PRR15: variants seen among roughly 807,000 people sequenced by gnomAD.
The protein encoded by PRR15 is proline rich 15, also known as proline-rich protein 15.
In PRR15, 4 loss-of-function variants were observed where a neutral mutation model predicts 3.0. The observed-to-expected ratio is 1.34, with a 90% CI of 0.66 to 3.08. The LOEUF (loss-of-function observed/expected upper bound fraction) is 3.08. Ranked by LOEUF, PRR15 falls within the 30% of genes most tolerant of loss-of-function variation. The pLI is 0.01. For synonymous variants in PRR15, 82 were observed against 79.8 expected, an observed-to-expected ratio of 1.03 and a Z score of -0.14; for missense variants, 200 against 179.5, an observed-to-expected ratio of 1.11 and a Z score of -0.65.
chr7:29,565,874 T>G (rs1792889789), intron 1 of PRR15: 1 of 168,674 alleles, frequency 5.9e-6, no homozygotes. Flanking sequence ...TTCAGAGGGG[T>G]GGGAACGTCC....
rs775105747 is a variant in PRR15 at position 29,566,488 on chromosome 7, C to G, written c.159C>G (p.Thr53=). Residue 53 remains threonine (T), a synonymous_variant, in exon 2 of 2, where the codon ACC becomes ACG. Transcript: ENST00000319694. The part of the protein sequence containing the change: ...TPPAPPSPDW[T]SSSRENQHPN... Reference sequence around the variant, plus strand: ...CTGCGCCGCCCAGCCCGGACTGGACCAGCAGCTCCCGGGAGAACCAGCACC... The same window carrying G: ...CTGCGCCGCCCAGCCCGGACTGGACGAGCAGCTCCCGGGAGAACCAGCACC... 1.1e-5 allele frequency: 17 copies of G among 1,599,424 alleles called. No individual in the cohort carries two copies. Among genetic ancestry groups the G allele is most frequent in the Non-Finnish European group, 1.4e-5 (16 of 1,173,222 alleles).
In PRR15 at chr7:29,566,315, C is replaced by A. The variant is rs760726985; in HGVS notation, c.-15C>A. 1 of 1,599,602 alleles carries A rather than the reference C, an allele frequency of 6.3e-7. No individual in the cohort carries two copies. The highest frequency in any genetic ancestry group is 1.1e-5 in the South Asian group (1 of 89,820). ...CCTTCCATCTGGGTGCCGGGAGCCCCTAGGCCCTCCGGCCATGGCCGACAG... is the reference window on the plus strand; with the variant it reads ...CCTTCCATCTGGGTGCCGGGAGCCCATAGGCCCTCCGGCCATGGCCGACAG... On this transcript the variant is annotated 5_prime_UTR_variant, in exon 2 of 2. Transcript: ENST00000319694.
chr7:29,566,674 G>C lies in PRR15; in HGVS notation c.345G>C (p.Pro115=), dbSNP rs753662353. The change falls in exon 2 of 2, where the codon CCG becomes CCC. Residue 115 remains proline (P), a synonymous_variant. Transcript: ENST00000319694. ...TGCTCCCGGAGGCGGGCAGGTCCCC[G>C]GAGGAGGCAGGCTTTCCTGGTGACC... ...ATLLPEAGRS[P]EEAGFPGDPH... The C allele has an allele frequency of 2.5e-6, 4 of 1,569,636 alleles. No individual in the cohort carries two copies. Among genetic ancestry groups the C allele is most frequent in the Non-Finnish European group, 3.5e-6 (4 of 1,157,778 alleles).
Position 29,566,463 on chromosome 7 carries a change from C to T in PRR15, c.134C>T (p.Pro45Leu). The T allele has an allele frequency of 1.2e-6, 2 of 1,600,436 alleles. No individual in the cohort carries two copies. The highest frequency in any genetic ancestry group is 1.7e-6 in the Non-Finnish European group (2 of 1,173,848). ...AQPAPGEPTPPAPPSPDWTSS... is the reference protein window; with the variant it reads ...AQPAPGEPTPLAPPSPDWTSS... ...CCCGCTCCCGGGGAGCCCACGCCACCTGCGCCGCCCAGCCCGGACTGGACC... is the reference window on the plus strand; with the variant it reads ...CCCGCTCCCGGGGAGCCCACGCCACTTGCGCCGCCCAGCCCGGACTGGACC... Residue 45 changes from proline to leucine, a missense_variant, in exon 2 of 2, where the codon CCT becomes CTT. By Grantham distance (98) the Pro-to-Leu change is moderately conservative. Coordinates refer to ENST00000319694, the MANE Select transcript of PRR15 (RefSeq NM_175887.3).
In PRR15 at chr7:29,566,652, TC is replaced by T; in HGVS notation, c.326del (p.Pro109ArgfsTer91). On this transcript the variant is annotated frameshift_variant, in exon 2 of 2. Transcript: ENST00000319694. LOFTEE classifies it high-confidence loss of function. ...AAGAGGAAAGTGCGCGCCACGCTGC[TC>T]CCGGAGGCGGGCAGGTCCCCGGAGG... is the stretch of plus-strand genomic sequence containing the variant. ...KEKRKVRATL[L>X]PEAGRSPEEA... The T allele has an allele frequency of 1.3e-6, 2 of 1,584,266 alleles. No homozygotes were observed. Among genetic ancestry groups the T allele is most frequent in the Non-Finnish European group, 1.7e-6 (2 of 1,165,736 alleles).
At position 29,566,756 on chromosome 7, in the gene PRR15, G is replaced by A; in HGVS notation, c.*37G>A. ...TGCGCGCTCCAGGACTGCCTACCCA[G>A]CACTACCCCAAACCCCCAGTTCCAA... On this transcript the variant is annotated 3_prime_UTR_variant, in exon 2 of 2. Transcript: ENST00000319694. The A allele has an allele frequency of 6.7e-7, 1 of 1,496,986 alleles. No individual in the cohort carries two copies. Among genetic ancestry groups the A allele is most frequent in the Non-Finnish European group, 8.9e-7 (1 of 1,118,244 alleles). 92.7% of individuals were successfully genotyped at this position (1,496,986 alleles called of 1,614,324 possible). A position where few individuals can be genotyped will look rare whatever the true frequency, so the allele number is the denominator to read the frequency against.
At position 29,566,949 on chromosome 7, in the gene PRR15, A is replaced by T. The variant is rs1045873262; in HGVS notation, c.*230A>T. 15 of 468,340 alleles carry T rather than the reference A, an allele frequency of 3.2e-5. No homozygotes were observed. The highest frequency in any genetic ancestry group is 2.4e-4 in the African/African-American group (12 of 49,178). 29.0% of individuals were successfully genotyped at this position (468,340 alleles called of 1,614,324 possible). ...TTAAATATTTATTTGTGGTAAGAGA[A>T]GATACCTGCCGCGGAGGAGGGTGGC... is the stretch of plus-strand genomic sequence containing the variant. On this transcript the variant is annotated 3_prime_UTR_variant, in exon 2 of 2. Coordinates refer to ENST00000319694, the MANE Select transcript of PRR15 (RefSeq NM_175887.3).
Position 29,564,390 on chromosome 7 carries a change from G to C in PRR15, c.-146+13G>C, listed in dbSNP as rs1792836660. On this transcript the variant is annotated intron_variant, in intron 1 of 1. Coordinates refer to ENST00000319694, the MANE Select transcript of PRR15 (RefSeq NM_175887.3). Reference sequence around the variant, plus strand: ...TAAGCCCGAGCAGGTGAGCGACTGGGGGTGGTTCGGCGTCCGCCGAGACAG... The same window carrying C: ...TAAGCCCGAGCAGGTGAGCGACTGGCGGTGGTTCGGCGTCCGCCGAGACAG... 1 of 152,112 alleles carries C rather than the reference G, an allele frequency of 6.6e-6. No individual in the cohort carries two copies. Among genetic ancestry groups the C allele is most frequent in the Non-Finnish European group, 1.5e-5 (1 of 68,134 alleles). The allele number at this position is 152,112 out of a possible 1,614,324, so 9.4% of individuals were successfully genotyped here. A position where few individuals can be genotyped will look rare whatever the true frequency, so the allele number is the denominator to read the frequency against.
chr7:29,565,564 A>C (rs140105165), intron 1 of PRR15: 1 of 152,162 alleles, frequency 6.6e-6, no homozygotes, highest in African/African-American at 2.4e-5. Context: ...ACCAAAACAA[A>C]TATCATAAGC....
chr7:29,565,188 G>C (rs1202114859), intron 1 of PRR15, among the ~76,000 whole-genome samples: 2 of 151,934 alleles, frequency 1.3e-5, no homozygotes, highest in South Asian at 2.1e-4. Flanking sequence ...CTCTGCAGAG[G>C]GGGGGTCTTA....
intron 1 of PRR15, among the ~76,000 whole-genome samples, chr7:29,565,963 A>G (rs1792891796): frequency 6.6e-6 from 1 of 152,212 alleles, no homozygotes; most frequent in Non-Finnish European, 1.5e-5. Flanking sequence ...AAAGAGTTCA[A>G]GGCTCAGCCT....
Position 29,567,291 on chromosome 7 carries a change from TA to T in PRR15, c.*574del, listed in dbSNP as rs1792933304. 1 of 166,714 alleles carries T rather than the reference TA, an allele frequency of 6.0e-6. No homozygotes were observed. The highest frequency in any genetic ancestry group is 1.9e-4 in the East Asian group (1 of 5,200). 10.3% of individuals were successfully genotyped at this position (166,714 alleles called of 1,614,324 possible). A position where few individuals can be genotyped will look rare whatever the true frequency, so the allele number is the denominator to read the frequency against. On this transcript the variant is annotated 3_prime_UTR_variant, in exon 2 of 2. Transcript: ENST00000319694. ...GTGGACTATTAAAACCCTTGCACTG[TA>T]AGGCTTAAGGTGACTTTTGTATTTT...
At chr7:29,565,912 T>G (rs1792890739) in intron 1 of PRR15, among the ~76,000 whole-genome samples, 2 of 152,346 alleles carry the variant, frequency 1.3e-5, no homozygotes, top group East Asian at 1.9e-4. Flanking sequence ...CGCTGACCAC[T>G]GCACTGCACT....
rs1562707958 is a variant in PRR15 at position 29,567,015 on chromosome 7, C to T, written c.*296C>T. On this transcript the variant is annotated 3_prime_UTR_variant, in exon 2 of 2. Transcript: ENST00000319694. ...TCAAAAAGCTATTCTGGGGCCCTGG[C>T]CCCCTGGCTCCTGTCACAGCTCAGC... is the stretch of plus-strand genomic sequence containing the variant. The T allele has an allele frequency of 3.2e-6, 1 of 316,264 alleles. No homozygotes were observed. Among genetic ancestry groups the T allele is most frequent in the Non-Finnish European group, 6.0e-6 (1 of 165,816 alleles). The allele number at this position is 316,264 out of a possible 1,614,324, so 19.6% of individuals were successfully genotyped here. A position where few individuals can be genotyped will look rare whatever the true frequency, so the allele number is the denominator to read the frequency against.
chr7:29,566,273 A>C lies in PRR15; in HGVS notation c.-57A>C. On this transcript the variant is annotated 5_prime_UTR_variant, in exon 2 of 2. Transcript: ENST00000319694. ...GTGAACGGCCGGAGACCACGTGGAG[A>C]AAGGGGCCGCTTTGGCCCTTCCATC... 6.6e-7 allele frequency: 1 copy of C among 1,516,738 alleles called. No homozygotes were observed. The highest frequency in any genetic ancestry group is 1.3e-5 in the South Asian group (1 of 79,418). 94.0% of individuals were successfully genotyped at this position (1,516,738 alleles called of 1,614,324 possible).
intron 1 of PRR15, 56 bp from the exon 2 acceptor site, chr7:29,566,129 G>T (rs1014977449): frequency 1.6e-5 from 10 of 621,702 alleles, no homozygotes; most frequent in East Asian, 5.8e-5. Flanking sequence ...AAAGGGGACT[G>T]GGGGGGGCAC....
At chr7:29,566,079 C>G in intron 1 of PRR15, 106 bp from the exon 2 acceptor site, 1 of 565,738 alleles carries the variant, frequency 1.8e-6, no homozygotes, top group South Asian at 2.3e-5. Context: ...TTGGGTCGCT[C>G]CGACCCTGGC....
rs961626689 is a variant in PRR15, at chr7:29,567,253, A to G, written c.*534A>G. 1.8e-5 allele frequency: 3 copies of G among 167,460 alleles called. No homozygotes were observed. The highest frequency in any genetic ancestry group is 7.2e-5 in the African/African-American group (3 of 41,480). 10.4% of individuals were successfully genotyped at this position (167,460 alleles called of 1,614,324 possible). The stretch of plus-strand genomic sequence containing the variant: ...TTAATGTTAAACTACAAAACTGTAC[A>G]GCCTATTTTAGTGTGGACTATTAAA... On this transcript the variant is annotated 3_prime_UTR_variant, in exon 2 of 2. Transcript: ENST00000319694.
In PRR15 at chr7:29,566,310, A is replaced by G. The variant is rs1240063667; in HGVS notation, c.-20A>G. On this transcript the variant is annotated 5_prime_UTR_variant, in exon 2 of 2. Coordinates refer to ENST00000319694, the MANE Select transcript of PRR15 (RefSeq NM_175887.3). Reference sequence around the variant, plus strand: ...TTGGCCCTTCCATCTGGGTGCCGGGAGCCCCTAGGCCCTCCGGCCATGGCC... The same window carrying G: ...TTGGCCCTTCCATCTGGGTGCCGGGGGCCCCTAGGCCCTCCGGCCATGGCC... 1.3e-6 allele frequency: 2 copies of G among 1,590,088 alleles called. No homozygotes were observed. Among genetic ancestry groups the G allele is most frequent in the Admixed American group, 1.8e-5 (1 of 57,020 alleles).
Sources: gnomAD v4.1 joint callset for allele counts (sites outside exome capture counted in the v4.1 genomes callset) on GRCh38, gnomAD v4.1.1 for gene constraint, MANE v1.5 for transcripts, NCBI Gene and HGNC (gene_info 2026-07-23, HGNC 2026-07-21) for gene names.